Variants in RANBP17 observed in about 807,000 individuals in gnomAD.
RANBP17 encodes the protein ran-binding protein 17.
Under a neutral mutation model 141.2 loss-of-function variants are expected in RANBP17, and 158 were observed. The ratio of observed to expected loss-of-function variants is 1.12; its 90% CI spans 0.98 to 1.28. The LOEUF (loss-of-function observed/expected upper bound fraction) is 1.28, where lower values mean the gene tolerates loss of function less well. Ranked by LOEUF, RANBP17 falls within the 50% of genes most tolerant of loss-of-function variation. The pLI, the probability that RANBP17 is intolerant of heterozygous loss-of-function variation, is 0.00. For synonymous variants in RANBP17, 430 were observed against 450.0 expected (o/e 0.96, Z 0.56); for missense variants, 1,438 against 1,290.7 (o/e 1.11, Z -1.75).
Position 171,104,066 on chromosome 5 carries a change from T to C in RANBP17, c.1711-66064T>C, listed in dbSNP as rs1447056491. Among the ~76,000 whole-genome samples, 7 of 152,262 alleles carry C rather than the reference T, an allele frequency of 4.6e-5. No homozygotes were observed. The East Asian group carries it at 9.6e-4, about 21-fold the overall frequency. ...GTTGTGTTCTTAATGAGTTGGAGTT[T>C]TGCTGTTTTTGCCCAGGCTGAAGTG... On this transcript the variant is annotated intron_variant, in intron 14 of 27. Coordinates refer to ENST00000523189, the MANE Select transcript of RANBP17 (RefSeq NM_022897.5).
intron 14 of RANBP17, among the ~76,000 whole-genome samples, chr5:171,162,806 C>G (rs1385969215): frequency 6.6e-6 from 1 of 152,080 alleles, no homozygotes; most frequent in African/African-American, 2.4e-5. Flanking sequence ...AGCAGGCAGC[C>G]CTGCACCCCA....
intron 24 of RANBP17, chr5:171,252,521 G>A (rs544237303): frequency 2.1e-6 from 3 of 1,426,986 alleles, no homozygotes; most frequent in East Asian, 2.3e-5. Context: ...GAAGAGTGTC[G>A]CAGCAAACAG....
At chr5:170,927,476 TG>T (rs1305781680) in intron 12 of RANBP17, among the ~76,000 whole-genome samples, 1 of 152,134 alleles carries the variant, frequency 6.6e-6, no homozygotes, top group Non-Finnish European at 1.5e-5. Context: ...TCAGTGAGGT[TG>T]TGCATTGTTT....
intron 24 of RANBP17, among the ~76,000 whole-genome samples, chr5:171,254,077 C>T (rs1385128916): frequency 6.6e-6 from 1 of 151,970 alleles, no homozygotes; most frequent in Non-Finnish European, 1.5e-5. Context: ...GAAACCCAGT[C>T]TCTACTAAAA....
At chr5:170,909,259 A>G (rs1771326512) in intron 5 of RANBP17, among the ~76,000 whole-genome samples, 1 of 151,872 alleles carries the variant, frequency 6.6e-6, no homozygotes, top group Non-Finnish European at 1.5e-5. Flanking sequence ...TATCACTTTC[A>G]ACTAGAAGAA....
intron 14 of RANBP17, among the ~76,000 whole-genome samples, chr5:171,155,747 C>T (rs2127844079): frequency 6.6e-6 from 1 of 152,190 alleles, no homozygotes; most frequent in South Asian, 2.1e-4. Flanking sequence ...TGAAATGAAA[C>T]AAAGTTGTTT....
intron 18 of RANBP17, among the ~76,000 whole-genome samples, chr5:171,185,962 G>T (rs1294695625): frequency 6.6e-6 from 1 of 152,124 alleles, no homozygotes; most frequent in African/African-American, 2.4e-5. Flanking sequence ...TCAACAGTGG[G>T]CTTAAAATTT....
At chr5:170,957,884 T>C (rs1297432201) in intron 13 of RANBP17, among the ~76,000 whole-genome samples, 1 of 152,194 alleles carries the variant, frequency 6.6e-6, no homozygotes, top group Non-Finnish European at 1.5e-5. Flanking sequence ...GAAACAAGAT[T>C]GCAATCCATT....
chr5:171,158,003 G>C (rs982433878), intron 14 of RANBP17, among the ~76,000 whole-genome samples: 15 of 152,206 alleles, frequency 9.9e-5, no homozygotes, highest in Admixed American at 5.9e-4. Context: ...GTGGCTAGCA[G>C]TGACAGATGT....
chr5:170,910,657 G>A (rs941448670), intron 6 of RANBP17: 1 of 241,010 alleles, frequency 4.1e-6, no homozygotes, highest in South Asian at 6.8e-5. Context: ...TATCTAAAAG[G>A]TATAATTGTT....
chr5:170,956,995 C>G (rs192460696), intron 13 of RANBP17, among the ~76,000 whole-genome samples: 1 of 151,128 alleles, frequency 6.6e-6, no homozygotes, highest in Non-Finnish European at 1.5e-5. Context: ...GCGTGAACCC[C>G]GGAGGCAGAG....
intron 13 of RANBP17, among the ~76,000 whole-genome samples, chr5:170,963,784 G>C (rs749066463): frequency 7.2e-5 from 11 of 152,100 alleles, no homozygotes; most frequent in Non-Finnish European, 1.5e-4. Context: ...GACTAGTACC[G>C]GTCTGCAGCC....
At chr5:171,188,801 A>C (rs907692049) in intron 18 of RANBP17, among the ~76,000 whole-genome samples, 1 of 152,152 alleles carries the variant, frequency 6.6e-6, no homozygotes, top group Middle Eastern at 3.2e-3. Flanking sequence ...CACAGCCCCA[A>C]CTCTGTATTC....
At chr5:171,048,915 A>C (rs1353755409) in intron 14 of RANBP17, among the ~76,000 whole-genome samples, 1 of 152,108 alleles carries the variant, frequency 6.6e-6, no homozygotes, top group Non-Finnish European at 1.5e-5. Flanking sequence ...TGTCTTTGTT[A>C]CTGTGAATAT....
chr5:171,076,242 T>G (rs530161102), intron 14 of RANBP17, among the ~76,000 whole-genome samples: 1 of 152,304 alleles, frequency 6.6e-6, no homozygotes, highest in South Asian at 2.1e-4. Context: ...ATTACAAGAT[T>G]TGTGTTTTGT....
At chr5:171,287,631 G>A (rs1202576382) in intron 25 of RANBP17, among the ~76,000 whole-genome samples, 1 of 151,576 alleles carries the variant, frequency 6.6e-6, no homozygotes, top group Non-Finnish European at 1.5e-5. Context: ...TCCAGATACA[G>A]GGATGCTTTG....
At chr5:171,036,166 T>G in intron 14 of RANBP17, among the ~76,000 whole-genome samples, 1 of 152,206 alleles carries the variant, frequency 6.6e-6, no homozygotes, top group East Asian at 1.9e-4. Flanking sequence ...CCTCCCAAAG[T>G]GCTAGGATTA....
At chr5:170,948,500 A>C (rs1353734154) in intron 12 of RANBP17, among the ~76,000 whole-genome samples, 2 of 152,224 alleles carry the variant, frequency 1.3e-5, no homozygotes, top group Non-Finnish European at 2.9e-5. Flanking sequence ...TTAGGCATAA[A>C]TTTTAAAAAG....
At chr5:170,951,205 T>A (rs1395131547) in intron 12 of RANBP17, among the ~76,000 whole-genome samples, 2 of 152,038 alleles carry the variant, frequency 1.3e-5, no homozygotes, top group Admixed American at 6.6e-5. Context: ...TATTCCATAT[T>A]TCAAAATAGA....
Sources: gnomAD v4.1 joint callset for allele counts (sites outside exome capture counted in the v4.1 genomes callset) on GRCh38, gnomAD v4.1.1 for gene constraint, MANE v1.5 for transcripts, NCBI Gene and HGNC (gene_info 2026-07-23, HGNC 2026-07-21) for gene names.